The following COQ8A variants were observed in gnomAD, a reference collection of about 807,000 sequenced individuals.
COQ8A encodes the protein atypical kinase COQ8A, mitochondrial.
In COQ8A, 51 loss-of-function variants were observed where a neutral mutation model predicts 65.0. That is an observed-to-expected ratio of 0.78 (90% confidence interval 0.63 to 0.99). The LOEUF is 0.99. Ranked by LOEUF, COQ8A falls within the 50% of genes least tolerant of loss-of-function variation. The probability of loss-of-function intolerance (pLI) is 0.00; values close to 1 mark genes in which losing one functional copy is unlikely to be tolerated. For synonymous variants in COQ8A, 371 were observed against 353.2 expected (o/e 1.05, Z -0.57); for missense variants, 940 against 875.0 (o/e 1.07, Z -0.94).
chr1:226,983,235 G>T (rs1205194840), intron 8 of COQ8A: 3 of 871,902 alleles, frequency 3.4e-6, no homozygotes, highest in Admixed American at 5.8e-5. Context: ...GACTTTGGGG[G>T]CACAGAGGGG....
chr1:226,953,632 ACTGAC>A, intron 1 of COQ8A, among the ~76,000 whole-genome samples: 1 of 152,176 alleles, frequency 6.6e-6, no homozygotes, highest in Non-Finnish European at 1.5e-5. Context: ...GCTGGGGCTC[ACTGAC>A]GGGGGAAGGA....
At position 226,949,832 on chromosome 1, in the gene COQ8A, C is replaced by T. The variant is rs1657265998; in HGVS notation, c.-10+9433C>T. Among the ~76,000 whole-genome samples the T allele has an allele frequency of 6.6e-6, 1 of 152,120 alleles. No homozygotes were observed. The highest frequency in any genetic ancestry group is 2.4e-5 in the African/African-American group (1 of 41,428). On this transcript the variant is annotated intron_variant, in intron 1 of 14. Coordinates refer to ENST00000366777, the MANE Select transcript of COQ8A (RefSeq NM_020247.5). This position sits in a 1 kb window ranked among gnomAD's most constrained non-coding sequence, Gnocchi z 4.0. ...CCTGAATGCTGTTACATGGATTTAT[C>T]CAGTCCTTTCAAGAACAGATGAGGA...
At chr1:226,955,169 A>G (rs951550124) in intron 1 of COQ8A, among the ~76,000 whole-genome samples, 5 of 152,056 alleles carry the variant, frequency 3.3e-5, no homozygotes, top group African/African-American at 9.7e-5. Flanking sequence ...TGGTGGCCAC[A>G]TTCCTCAGGG....
Position 226,986,610 on chromosome 1 carries a change from C to T in COQ8A, c.1817C>T (p.Thr606Ile). The change falls in exon 15 of 15, where the codon ACC (threonine) becomes ATC (isoleucine). Residue 606 changes from threonine to isoleucine, a missense_variant. Physicochemically the swap from Thr to Ile is moderately conservative, Grantham distance 89. Coordinates refer to ENST00000366777, the MANE Select transcript of COQ8A (RefSeq NM_020247.5). The stretch of plus-strand genomic sequence containing the variant: ...CGTCTCGTCCCCCCACCCGAGGAAA[C>T]CTACTCCCTGCACAGGAAGATGGGG... The part of the protein sequence containing the change: ...RHRLVPPPEE[T>I]YSLHRKMGGS... The T allele has an allele frequency of 1.2e-6, 2 of 1,614,028 alleles. No homozygotes were observed. Among genetic ancestry groups the T allele is most frequent in the South Asian group, 2.2e-5 (2 of 91,084 alleles).
chr1:226,958,577 A>G (rs913116372), intron 1 of COQ8A, among the ~76,000 whole-genome samples: 2 of 152,192 alleles, frequency 1.3e-5, no homozygotes, highest in African/African-American at 2.4e-5. Flanking sequence ...GCCTGCAGGA[A>G]CTAGCCCAGA....
chr1:226,977,597 C>T (rs1659319410), intron 5 of COQ8A, 74 bp downstream of exon 5: 1 of 1,485,614 alleles, frequency 6.7e-7, no homozygotes, highest in African/African-American at 1.4e-5. Context: ...CCAGCCCCAC[C>T]TGTGCTCTGG....
At chr1:226,960,348 G>GTGATGGTACT (rs1658116939) in intron 1 of COQ8A, among the ~76,000 whole-genome samples, 4 of 148,310 alleles carry the variant, frequency 2.7e-5, no homozygotes, top group Middle Eastern at 3.5e-3. Flanking sequence ...CTTGGTGGTG[G>GTGATGGTACT]TGGTGGTGGT....
At chr1:226,969,924 T>C (rs1415188552) in intron 4 of COQ8A, among the ~76,000 whole-genome samples, 1 of 152,198 alleles carries the variant, frequency 6.6e-6, no homozygotes, top group African/African-American at 2.4e-5. Flanking sequence ...TCTCACCTGT[T>C]TTGCCTTCTT....
At chr1:226,954,480 G>A (rs748804945) in intron 1 of COQ8A, among the ~76,000 whole-genome samples, 2 of 152,358 alleles carry the variant, frequency 1.3e-5, no homozygotes, top group African/African-American at 2.4e-5. Context: ...GCAGATTCCC[G>A]GGCCCCACCC....
At chr1:226,959,397 G>A (rs1353125182) in intron 1 of COQ8A, among the ~76,000 whole-genome samples, 1 of 151,850 alleles carries the variant, frequency 6.6e-6, no homozygotes, top group Non-Finnish European at 1.5e-5. Flanking sequence ...TCCAGCCCGG[G>A]CAACATAGTG....
intron 1 of COQ8A, among the ~76,000 whole-genome samples, chr1:226,941,273 C>T (rs1473746324): frequency 2.0e-5 from 3 of 152,196 alleles, no homozygotes; most frequent in East Asian, 3.9e-4. Context: ...CTTGGATCTA[C>T]GTGACAGGAT....
At chr1:226,985,387 C>A in intron 14 of COQ8A, 47 bp downstream of exon 14, 1 of 1,595,570 alleles carries the variant, frequency 6.3e-7, no homozygotes, top group East Asian at 2.2e-5. Flanking sequence ...ACCCAGGGCC[C>A]GGCTCCCTGT....
At position 226,984,906 on chromosome 1, in the gene COQ8A, G is replaced by T. The variant is rs1029163085; in HGVS notation, c.1537G>T (p.Glu513Ter). The T allele has an allele frequency of 2.5e-6, 4 of 1,613,966 alleles. No individual in the cohort carries two copies. The highest frequency in any genetic ancestry group is 3.4e-6 in the Non-Finnish European group (4 of 1,180,002). ...VALLDFGATR[E>*]YDRSFTDLYI... ...TCTTTTGGATTTTGGGGCAACGCGG[G>T]AATATGACAGATCCTTCACCGACCT... The change falls in exon 13 of 15, where the codon GAA (glutamate) becomes TAA (stop). Residue 513 changes from glutamate to a stop codon, truncating the protein, a stop_gained. Transcript: ENST00000366777. LOFTEE classifies it high-confidence loss of function.
intron 1 of COQ8A, among the ~76,000 whole-genome samples, chr1:226,957,783 T>A (rs754898116): frequency 9.8e-5 from 15 of 152,300 alleles, no homozygotes; most frequent in Admixed American, 2.6e-4. Context: ...CGTGGGGGTG[T>A]CTTTTGGTTT....
In COQ8A at chr1:226,982,100, C is replaced by T. The variant is rs1659734501; in HGVS notation, c.804C>T (p.Cys268=). The stretch of plus-strand genomic sequence containing the variant: ...CAGAGCGGATCGTGCGCACGCTCTG[C>T]AAGGTGCGTGGTGCGGCACTCAAGC... The part of the protein sequence containing the change: ...ANAERIVRTL[C]KVRGAALKLG... The change falls in exon 6 of 15, where the codon TGC becomes TGT. Residue 268 remains cysteine, a synonymous_variant. Coordinates refer to ENST00000366777, the MANE Select transcript of COQ8A (RefSeq NM_020247.5). 2 of 1,611,488 alleles carry T rather than the reference C, an allele frequency of 1.2e-6. No individual in the cohort carries two copies. Among genetic ancestry groups the T allele is most frequent in the African/African-American group, 1.3e-5 (1 of 74,874 alleles).
chr1:226,952,492 T>TG (rs1374206161), intron 1 of COQ8A, among the ~76,000 whole-genome samples: 1 of 152,220 alleles, frequency 6.6e-6, no homozygotes, highest in Non-Finnish European at 1.5e-5. Flanking sequence ...CATAGCTCAC[T>TG]GCAGCCTCAA....
At chr1:226,968,729 G>A (rs1427543647) in intron 4 of COQ8A, among the ~76,000 whole-genome samples, 1 of 152,184 alleles carries the variant, frequency 6.6e-6, no homozygotes, top group African/African-American at 2.4e-5. Flanking sequence ...TAGGTATTCA[G>A]CTATATAGAA....
intron 6 of COQ8A, 105 bp downstream of exon 6, chr1:226,982,254 G>T: frequency 6.8e-7 from 1 of 1,472,948 alleles, no homozygotes; most frequent in East Asian, 2.5e-5. Context: ...TGGGCAAGAT[G>T]TGAGCAGGCT....
intron 5 of COQ8A, among the ~76,000 whole-genome samples, chr1:226,978,100 GCA>G (rs1424574649): frequency 1.0e-4 from 12 of 116,666 alleles, no homozygotes; most frequent in South Asian, 5.9e-4. Context: ...CCGAACACCC[GCA>G]CACGTCACAC....
Sources: allele counts gnomAD v4.1 joint callset (sites outside exome capture counted in the v4.1 genomes callset), GRCh38; gene constraint gnomAD v4.1.1; non-coding constraint Gnocchi (gnomAD v3.1); transcripts MANE v1.5; gene names NCBI Gene and HGNC (gene_info 2026-07-23, HGNC 2026-07-21).